AMD1: variants seen among roughly 807,000 people sequenced by gnomAD.
The protein encoded by AMD1 is S-adenosylmethionine decarboxylase proenzyme.
In AMD1, 11 loss-of-function variants were observed where a neutral mutation model predicts 40.2. The observed-to-expected ratio is 0.27, with a 90% CI of 0.17 to 0.45. The LOEUF is 0.45. Among genes scored for constraint, AMD1 ranks in the 20% least tolerant of loss-of-function variants. The pLI, the probability that AMD1 is intolerant of heterozygous loss-of-function variation, is 1.00. For missense variants in AMD1, 257 were observed against 410.2 expected (o/e 0.63, Z 3.23); for synonymous variants, 121 against 130.8 (o/e 0.93, Z 0.51).
intron 1 of AMD1, 98 bp downstream of exon 1, chr6:110,875,313 G>C (rs1484744010): frequency 9.8e-7 from 1 of 1,023,636 alleles, no homozygotes; most frequent in Non-Finnish European, 1.5e-6. Context: ...TCAGCTTTCA[G>C]TTGGGGGCAA....
chr6:110,888,542 CGTG>C (rs1785829101), intron 2 of AMD1: 1 of 162,220 alleles, frequency 6.2e-6, no homozygotes, highest in Non-Finnish European at 1.3e-5. Flanking sequence ...GAACTCCTGA[CGTG>C]GTGATCCACC....
intron 1 of AMD1, among the ~76,000 whole-genome samples, chr6:110,880,148 G>A (rs935154289): frequency 9.2e-5 from 14 of 152,212 alleles, no homozygotes; most frequent in African/African-American, 3.1e-4. Context: ...TAAAAGACAG[G>A]GTTTCGCCAT....
chr6:110,878,659 G>T (rs943004523), intron 1 of AMD1, among the ~76,000 whole-genome samples: 1 of 152,132 alleles, frequency 6.6e-6, no homozygotes, highest in African/African-American at 2.4e-5. Context: ...TTAGTTGTTG[G>T]ATCAAAGTGC....
chr6:110,869,343 A>G, the AMD1 span, among the ~76,000 whole-genome samples: 1 of 151,196 alleles, frequency 6.6e-6, no homozygotes, highest in Non-Finnish European at 1.5e-5. Flanking sequence ...CGTGTTAGCC[A>G]GGATGATCTC....
chr6:110,841,787 T>G, the AMD1 span, among the ~76,000 whole-genome samples: 5 of 151,770 alleles, frequency 3.3e-5, no homozygotes, highest in Non-Finnish European at 7.4e-5. Flanking sequence ...AAACATTTGT[T>G]TTATTTTATT....
chr6:110,887,365 T>A (rs1203080740), intron 1 of AMD1, 140 bp from the exon 2 acceptor site: 1 of 546,606 alleles, frequency 1.8e-6, no homozygotes, highest in Non-Finnish European at 3.2e-6. Flanking sequence ...TCAATATAGA[T>A]TATTTTGAAA....
At chr6:110,838,596 C>T in the AMD1 span, among the ~76,000 whole-genome samples, 5 of 151,778 alleles carry the variant, frequency 3.3e-5, no homozygotes, top group Non-Finnish European at 1.5e-5. Flanking sequence ...CAGTGGGTCA[C>T]GCCTGTAATC....
chr6:110,856,817 T>C, the AMD1 span, among the ~76,000 whole-genome samples: 9 of 152,164 alleles, frequency 5.9e-5, no homozygotes, highest in African/African-American at 2.2e-4. Flanking sequence ...ATTTTCCTTA[T>C]TCCAAAAAAG....
At chr6:110,867,433 GA>G in the AMD1 span, among the ~76,000 whole-genome samples, 1 of 152,122 alleles carries the variant, frequency 6.6e-6, no homozygotes, top group Non-Finnish European at 1.5e-5. Flanking sequence ...GGGAGGCTGA[GA>G]GGGGGGATCA....
At chr6:110,869,016 G>T in the AMD1 span, among the ~76,000 whole-genome samples, 1 of 150,132 alleles carries the variant, frequency 6.7e-6, no homozygotes, top group Admixed American at 6.6e-5. Flanking sequence ...GCCAGATTGC[G>T]CCATTGCACT....
rs1469857297 is a variant in AMD1 at position 110,895,188 on chromosome 6, C to CT, written c.*1579dup. 13 of 152,072 alleles carry CT rather than the reference C, an allele frequency of 8.5e-5. No individual in the cohort carries two copies. The highest frequency in any genetic ancestry group is 1.4e-4 in the African/African-American group (6 of 41,422). The allele number at this position is 152,072 out of a possible 1,614,324, so 9.4% of individuals were successfully genotyped here. ...CCTTCCGTATTTATAAATGAAACAC[C>CT]TTTTTTTAGTGTTTCTAAACCTAAA... On this transcript the variant is annotated 3_prime_UTR_variant, in exon 9 of 9. Transcript: ENST00000368885.
At chr6:110,824,497 A>G in the AMD1 span, among the ~76,000 whole-genome samples, 2,009 of 152,316 alleles carry the variant, frequency 0.013, 56 homozygotes, top group African/African-American at 0.046. Flanking sequence ...TGACCAGTGC[A>G]CTAAAATCTC....
the AMD1 span, chr6:110,858,214 C>A: frequency 1.3e-6 from 1 of 764,654 alleles, no homozygotes. Flanking sequence ...CGTCCCATCC[C>A]ATCCTGCCGC....
upstream of AMD1, among the ~76,000 whole-genome samples, chr6:110,870,449 C>T (rs1784894338): frequency 6.6e-6 from 1 of 152,082 alleles, no homozygotes; most frequent in Non-Finnish European, 1.5e-5. Flanking sequence ...ATGGTGAAAT[C>T]TGGTCGCTAC....
chr6:110,860,019 G>T, the AMD1 span, among the ~76,000 whole-genome samples: 2 of 152,228 alleles, frequency 1.3e-5, no homozygotes, highest in East Asian at 3.9e-4. Context: ...TAGAGATGGG[G>T]TTTCACCATG....
the AMD1 span, among the ~76,000 whole-genome samples, chr6:110,848,244 G>A: frequency 1.3e-5 from 2 of 151,906 alleles, no homozygotes; most frequent in Non-Finnish European, 2.9e-5. Flanking sequence ...GATTTCAGCT[G>A]GGCTCGGTGG....
chr6:110,833,593 T>A, the AMD1 span, among the ~76,000 whole-genome samples: 1 of 152,254 alleles, frequency 6.6e-6, no homozygotes, highest in South Asian at 2.1e-4. Context: ...TAACTCAGCA[T>A]ATATACCTAT....
At chr6:110,879,170 ACT>A (rs778977452) in intron 1 of AMD1, among the ~76,000 whole-genome samples, 3 of 151,770 alleles carry the variant, frequency 2.0e-5, no homozygotes, top group Non-Finnish European at 2.9e-5. Flanking sequence ...TGAAATCCTG[ACT>A]CTACAAAAAA....
chr6:110,887,052 A>G (rs774691172), intron 1 of AMD1, among the ~76,000 whole-genome samples: 8 of 152,162 alleles, frequency 5.3e-5, no homozygotes, highest in Non-Finnish European at 1.0e-4. Context: ...TGAGTGCTAT[A>G]AGAGTAACAT....
Sources: allele counts gnomAD v4.1 joint callset (sites outside exome capture counted in the v4.1 genomes callset), GRCh38; gene constraint gnomAD v4.1.1; transcripts MANE v1.5; gene names NCBI Gene and HGNC (gene_info 2026-07-23, HGNC 2026-07-21).